The following SNAP29 variants were observed in gnomAD, a reference collection of about 807,000 sequenced individuals.
The protein encoded by SNAP29 is synaptosome associated protein 29.
In SNAP29, 13 loss-of-function variants were observed where a neutral mutation model predicts 27.9. The ratio of observed to expected loss-of-function variants is 0.47; its 90% CI spans 0.30 to 0.74. SNAP29 has a LOEUF of 0.74. SNAP29 is among the 30% of genes least tolerant of loss of function. The probability of loss-of-function intolerance (pLI) is 0.06; values close to 1 mark genes in which losing one functional copy is unlikely to be tolerated. For synonymous variants in SNAP29, 119 were observed against 127.1 expected, an observed-to-expected ratio of 0.94 and a Z score of 0.43; for missense variants, 368 against 336.5, an observed-to-expected ratio of 1.09 and a Z score of -0.73.
intron 2 of SNAP29, among the ~76,000 whole-genome samples, chr22:20,873,841 G>A (rs1928654670): frequency 6.6e-6 from 1 of 151,558 alleles, no homozygotes; most frequent in Non-Finnish European, 1.5e-5. Flanking sequence ...GGTGGTGCCT[G>A]CCTGTAGCCC....
intron 2 of SNAP29, among the ~76,000 whole-genome samples, chr22:20,877,622 A>T (rs1928780094): frequency 6.6e-6 from 1 of 152,104 alleles, no homozygotes; most frequent in South Asian, 2.1e-4. Flanking sequence ...AGGCTGAAGC[A>T]GGAGAATCTC....
At chr22:20,883,181 C>T (rs781081399) in intron 3 of SNAP29, among the ~76,000 whole-genome samples, 1 of 152,136 alleles carries the variant, frequency 6.6e-6, no homozygotes, top group Non-Finnish European at 1.5e-5. Context: ...ACTTGTGTGA[C>T]TCTGTCTTTC....
At chr22:20,882,690 A>G (rs1928917116) in intron 3 of SNAP29, among the ~76,000 whole-genome samples, 1 of 152,228 alleles carries the variant, frequency 6.6e-6, no homozygotes, top group African/African-American at 2.4e-5. Context: ...GGGGCACAGG[A>G]CACTGCACCC....
In SNAP29 at chr22:20,888,195, T is replaced by C. The variant is rs1056999513; in HGVS notation, c.*359T>C. 10 of 347,332 alleles carry C rather than the reference T, an allele frequency of 2.9e-5. No individual in the cohort carries two copies. In the Admixed American group the frequency reaches 4.2e-4, roughly 15 times the overall value. 21.5% of individuals were successfully genotyped at this position (347,332 alleles called of 1,614,324 possible). Reference sequence around the variant, plus strand: ...GAACAGAATTTCAGTCTTGCAGCCATGAGCCTCTATTTCTCATTCCTAAGC... The same window carrying C: ...GAACAGAATTTCAGTCTTGCAGCCACGAGCCTCTATTTCTCATTCCTAAGC... On this transcript the variant is annotated 3_prime_UTR_variant, in exon 5 of 5. Transcript: ENST00000215730.
intron 4 of SNAP29, 99 bp downstream of exon 4, chr22:20,883,668 C>T: frequency 1.3e-6 from 1 of 789,556 alleles, no homozygotes; most frequent in Non-Finnish European, 2.3e-6. Flanking sequence ...CTTCAGTTCC[C>T]TCACCACACA....
At chr22:20,865,864 A>G (rs1928446549) in intron 1 of SNAP29, among the ~76,000 whole-genome samples, 1 of 152,226 alleles carries the variant, frequency 6.6e-6, no homozygotes, top group Non-Finnish European at 1.5e-5. Flanking sequence ...TTGTCAACCA[A>G]GGACCCTCAC....
chr22:20,885,987 C>G (rs900567365), intron 4 of SNAP29, among the ~76,000 whole-genome samples: 1 of 152,180 alleles, frequency 6.6e-6, no homozygotes, highest in African/African-American at 2.4e-5. Flanking sequence ...GTTTGCTTAT[C>G]CTTTGCTGCC....
intron 2 of SNAP29, among the ~76,000 whole-genome samples, chr22:20,879,856 A>T (rs1347482340): frequency 1.8e-4 from 11 of 60,024 alleles, no homozygotes; most frequent in East Asian, 5.9e-4. Flanking sequence ...AAATTTAAAA[A>T]AAAAAAAAAA....
At chr22:20,867,616 C>A (rs1928492214) in intron 1 of SNAP29, among the ~76,000 whole-genome samples, 1 of 152,186 alleles carries the variant, frequency 6.6e-6, no homozygotes, top group Non-Finnish European at 1.5e-5. Flanking sequence ...TAGCTTTCAG[C>A]AAACAGAAAC....
intron 4 of SNAP29, among the ~76,000 whole-genome samples, chr22:20,886,650 C>T (rs1384377869): frequency 1.3e-5 from 2 of 151,220 alleles, no homozygotes; most frequent in African/African-American, 2.4e-5. Flanking sequence ...CTTGCTCTGT[C>T]GCCCAGGTTG....
chr22:20,867,335 A>AG (rs1928484258), intron 1 of SNAP29, among the ~76,000 whole-genome samples: 1 of 150,520 alleles, frequency 6.6e-6, no homozygotes, highest in Non-Finnish European at 1.5e-5. Flanking sequence ...GGCTCTGCGG[A>AG]GGGGGGTGTG....
chr22:20,873,777 A>G (rs1928652641), intron 2 of SNAP29, among the ~76,000 whole-genome samples: 3 of 148,430 alleles, frequency 2.0e-5, no homozygotes, highest in Non-Finnish European at 4.5e-5. Flanking sequence ...AGACCAGGCC[A>G]GCCAACATGG....
intron 1 of SNAP29, among the ~76,000 whole-genome samples, chr22:20,869,794 G>A (rs749206062): frequency 7.2e-5 from 11 of 151,916 alleles, no homozygotes; most frequent in Middle Eastern, 3.4e-3. Flanking sequence ...CAACCGAGAC[G>A]GAGTCTTGCT....
chr22:20,873,831 G>T (rs997425893), intron 2 of SNAP29, among the ~76,000 whole-genome samples: 2 of 151,630 alleles, frequency 1.3e-5, no homozygotes, highest in Non-Finnish European at 1.5e-5. Flanking sequence ...AGCCAGGCAT[G>T]GTGGTGCCTG....
rs1929059518 is a variant in SNAP29 at position 20,887,955 on chromosome 22, A to G, written c.*119A>G. On this transcript the variant is annotated 3_prime_UTR_variant, in exon 5 of 5. Coordinates refer to ENST00000215730, the MANE Select transcript of SNAP29 (RefSeq NM_004782.4). ...ATTAATGTGTGTTTGCAAATGTTAT[A>G]ATAGAGTAGGTCTTAAGACATTTTT... 2.9e-6 allele frequency: 3 copies of G among 1,022,730 alleles called. No individual in the cohort carries two copies. The highest frequency in any genetic ancestry group is 3.2e-5 in the African/African-American group (2 of 62,628). The allele number at this position is 1,022,730 out of a possible 1,614,324, so 63.4% of individuals were successfully genotyped here.
rs117516922 is a variant in SNAP29 at position 20,869,295 on chromosome 22, T to A, written c.238-1042T>A. 8.7e-3 allele frequency among the ~76,000 whole-genome samples: 1,319 copies of A among 152,104 alleles called. 10 individuals carry two copies. Among genetic ancestry groups the A allele is most frequent in the Middle Eastern group, 0.027 (8 of 294 alleles). On this transcript the variant is annotated intron_variant, in intron 1 of 4. Coordinates refer to ENST00000215730, the MANE Select transcript of SNAP29 (RefSeq NM_004782.4). ...AGGAGGTGGAGAAGAGGGGTAGTGGTTGGAAGAAGGAATTCTCCTTTAGGG... is the reference window on the plus strand; with the variant it reads ...AGGAGGTGGAGAAGAGGGGTAGTGGATGGAAGAAGGAATTCTCCTTTAGGG...
intron 2 of SNAP29, among the ~76,000 whole-genome samples, chr22:20,877,787 C>T (rs1057251374): frequency 6.6e-6 from 1 of 152,104 alleles, no homozygotes; most frequent in African/African-American, 2.4e-5. Flanking sequence ...CATTGTTTTC[C>T]TCATTTATGT....
At chr22:20,887,148 C>G (rs1929035935) in intron 4 of SNAP29, among the ~76,000 whole-genome samples, 1 of 151,556 alleles carries the variant, frequency 6.6e-6, no homozygotes, top group Admixed American at 6.6e-5. Context: ...TTGCTTGAAC[C>G]CAGGAGACGG....
intron 2 of SNAP29, among the ~76,000 whole-genome samples, chr22:20,880,356 G>A (rs1193470996): frequency 6.6e-6 from 1 of 152,006 alleles, no homozygotes; most frequent in Non-Finnish European, 1.5e-5. Context: ...AAATTAGCTG[G>A]GGATGGTGGC....
Sources: gnomAD v4.1 joint callset for allele counts (sites outside exome capture counted in the v4.1 genomes callset) on GRCh38, gnomAD v4.1.1 for gene constraint, MANE v1.5 for transcripts, NCBI Gene and HGNC (gene_info 2026-07-23, HGNC 2026-07-21) for gene names.